SIPA1L3: variants seen among roughly 807,000 people sequenced by gnomAD.
The protein encoded by SIPA1L3 is signal induced proliferation associated 1 like 3, also known as signal-induced proliferation-associated 1-like protein 3.
A neutral mutation model predicts 150.1 loss-of-function variants in SIPA1L3; 59 were observed. The observed-to-expected ratio is 0.39, with a 90% confidence interval of 0.32 to 0.49. The LOEUF (loss-of-function observed/expected upper bound fraction) is 0.49, where lower values mean the gene tolerates loss of function less well. Among genes scored for constraint, SIPA1L3 ranks in the 20% least tolerant of loss-of-function variants. The probability of loss-of-function intolerance (pLI) is 0.86; values close to 1 mark genes in which losing one functional copy is unlikely to be tolerated. For missense variants in SIPA1L3, 2,211 were observed against 2,489.5 expected (o/e 0.89, Z 2.38); for synonymous variants, 1,070 against 1,077.6 (o/e 0.99, Z 0.14).
At chr19:38,055,316 CCTT>C (rs1212505766) in intron 2 of SIPA1L3, among the ~76,000 whole-genome samples, 2 of 152,182 alleles carry the variant, frequency 1.3e-5, no homozygotes, top group East Asian at 3.9e-4. Context: ...GGAGCAGGCT[CCTT>C]CTGACTCCTC....
At chr19:38,011,547 G>T (rs1051657817) in intron 1 of SIPA1L3, among the ~76,000 whole-genome samples, 1 of 152,312 alleles carries the variant, frequency 6.6e-6, no homozygotes, top group Middle Eastern at 3.4e-3. Flanking sequence ...GGGGCCCCCT[G>T]ATCTGGGTGG....
chr19:38,203,453 A>G (rs1973134411), intron 20 of SIPA1L3, among the ~76,000 whole-genome samples: 1 of 151,676 alleles, frequency 6.6e-6, no homozygotes, highest in African/African-American at 2.4e-5. Flanking sequence ...CCAAGCAGGA[A>G]AGGGCTGCGC....
At position 38,143,839 on chromosome 19, in the gene SIPA1L3, A is replaced by G. The variant is rs531169075; in HGVS notation, c.3533+1129A>G. Among the ~76,000 whole-genome samples the G allele has an allele frequency of 1.2e-4, 19 of 152,032 alleles. No individual in the cohort carries two copies. In the South Asian group the frequency reaches 3.7e-3, roughly 30 times the overall value. On this transcript the variant is annotated intron_variant, in intron 12 of 21. Transcript: ENST00000222345. Reference sequence around the variant, plus strand: ...CAAGTGTGAGCCCGTGCACCTGGCCAGATCTTTCTATACCTGAACATGCCT... The same window carrying G: ...CAAGTGTGAGCCCGTGCACCTGGCCGGATCTTTCTATACCTGAACATGCCT...
intron 18 of SIPA1L3, among the ~76,000 whole-genome samples, chr19:38,194,725 T>C (rs1972882645): frequency 6.6e-6 from 1 of 152,096 alleles, no homozygotes; most frequent in Non-Finnish European, 1.5e-5. Context: ...ACTCTGGGAA[T>C]TTTATGAAGG....
chr19:38,202,065 C>T, intron 20 of SIPA1L3, 68 bp downstream of exon 20: 1 of 1,478,992 alleles, frequency 6.8e-7, no homozygotes, highest in Non-Finnish European at 9.1e-7. Context: ...GAGGCTTACC[C>T]AGAGAGAGGC....
chr19:38,164,676 C>G lies in SIPA1L3; in HGVS notation c.3978C>G (p.Ala1326=). The change falls in exon 15 of 22, where the codon GCC becomes GCG. Residue 1326 remains alanine, a synonymous_variant. Coordinates refer to ENST00000222345, the MANE Select transcript of SIPA1L3 (RefSeq NM_015073.3). This position sits in a 1 kb window ranked among gnomAD's most constrained non-coding sequence, Gnocchi z 4.1. ...CCAGCCCTAGCTGCATGTCCCTGGC[C>G]AAGGCTCCACGGCCCGCCAAGCCAC... is the stretch of plus-strand genomic sequence containing the variant. ...YTSSPSCMSL[A]KAPRPAKPHK... 6.2e-7 allele frequency: 1 copy of G among 1,614,096 alleles called. No homozygotes were observed.
chr19:37,987,139 G>T (rs1967374892), intron 1 of SIPA1L3, among the ~76,000 whole-genome samples: 1 of 152,002 alleles, frequency 6.6e-6, no homozygotes, highest in African/African-American at 2.4e-5. Flanking sequence ...TGTTGGCCAG[G>T]CTGGTCTCAA....
chr19:37,914,573 C>T (rs1272944896), intron 1 of SIPA1L3, among the ~76,000 whole-genome samples: 2 of 151,960 alleles, frequency 1.3e-5, no homozygotes, highest in East Asian at 1.9e-4. Context: ...AGACAGGTTA[C>T]ACCATGTTGG....
In SIPA1L3 at chr19:38,101,105, C is replaced by G. The variant is rs781258315; in HGVS notation, c.1908C>G (p.Ser636=). 1.2e-6 allele frequency: 2 copies of G among 1,606,640 alleles called. No individual in the cohort carries two copies. Among genetic ancestry groups the G allele is most frequent in the South Asian group, 2.2e-5 (2 of 90,272 alleles). The change falls in exon 6 of 22, where the codon TCC becomes TCG. Residue 636 remains serine (S), a synonymous_variant. Coordinates refer to ENST00000222345, the MANE Select transcript of SIPA1L3 (RefSeq NM_015073.3). The stretch of plus-strand genomic sequence containing the variant: ...TCTATTGCAAGGCCGGCCAGAGCTC[C>G]GAGGAGGAGATGTACAACAATGAGG... The part of the protein sequence containing the change: ...GILYCKAGQS[S]EEEMYNNEEA...
At chr19:38,002,292 C>T (rs574162198) in intron 1 of SIPA1L3, among the ~76,000 whole-genome samples, 12 of 152,230 alleles carry the variant, frequency 7.9e-5, no homozygotes, top group South Asian at 2.1e-4. Context: ...TGGAATCATC[C>T]GGTATTTGTC....
intron 10 of SIPA1L3, among the ~76,000 whole-genome samples, chr19:38,132,468 C>T (rs1394849323): frequency 6.6e-6 from 1 of 150,394 alleles, no homozygotes. Context: ...CCTGTAATCC[C>T]AGCTACTCGG....
At chr19:37,994,619 T>C (rs1392349256) in intron 1 of SIPA1L3, among the ~76,000 whole-genome samples, 1 of 152,158 alleles carries the variant, frequency 6.6e-6, no homozygotes, top group Non-Finnish European at 1.5e-5. Context: ...ATATACCAAG[T>C]GTTTATCGCT....
In SIPA1L3 at chr19:38,082,246, C is replaced by T. The variant is rs765214825; in HGVS notation, c.681C>T (p.Ser227=). The T allele has an allele frequency of 3.1e-6, 5 of 1,601,100 alleles. No individual in the cohort carries two copies. Among genetic ancestry groups the T allele is most frequent in the Non-Finnish European group, 4.2e-6 (5 of 1,179,730 alleles). Residue 227 remains serine, a synonymous_variant, in exon 3 of 22, where the codon AGC becomes AGT. Coordinates refer to ENST00000222345, the MANE Select transcript of SIPA1L3 (RefSeq NM_015073.3). Reference sequence around the variant, plus strand: ...TCGACATCCTGAACGAGTTCCGCAGCGAGCAGCCCGACGCCCGAGGGTGCC... The same window carrying T: ...TCGACATCCTGAACGAGTTCCGCAGTGAGCAGCCCGACGCCCGAGGGTGCC... The part of the protein sequence containing the change: ...SFFDILNEFR[S]EQPDARGCQA...
intron 15 of SIPA1L3, among the ~76,000 whole-genome samples, chr19:38,166,230 T>G (rs1004499099): frequency 1.3e-5 from 2 of 150,814 alleles, no homozygotes; most frequent in African/African-American, 4.9e-5. Context: ...CCAAGGCGGG[T>G]GGATCATGAG....
chr19:38,008,121 C>T (rs1420202589), intron 1 of SIPA1L3, among the ~76,000 whole-genome samples: 1 of 151,240 alleles, frequency 6.6e-6, no homozygotes, highest in East Asian at 2.0e-4. Context: ...CCCCAGAGGC[C>T]TTGCCCTCTT....
chr19:38,184,458 G>A (rs332840), intron 16 of SIPA1L3: 55,069 of 152,492 alleles, frequency 0.36, 11,716 homozygotes, highest in Middle Eastern at 0.57. Context: ...GATTACAGGC[G>A]TGAGCCACTG....
intron 16 of SIPA1L3, among the ~76,000 whole-genome samples, chr19:38,183,212 G>A (rs1600182694): frequency 6.6e-6 from 1 of 152,272 alleles, no homozygotes; most frequent in East Asian, 1.9e-4. Context: ...GACTGAGATG[G>A]AGCCACGGGA....
At chr19:37,959,817 CTTTT>C (rs34291572) in intron 1 of SIPA1L3, among the ~76,000 whole-genome samples, 2 of 128,780 alleles carry the variant, frequency 1.6e-5, no homozygotes, top group African/African-American at 2.8e-5. Flanking sequence ...AAAAAACTTT[CTTTT>C]TTTTTTTTTT....
At chr19:38,138,267 C>T (rs1484375562) in intron 10 of SIPA1L3, among the ~76,000 whole-genome samples, 1 of 152,166 alleles carries the variant, frequency 6.6e-6, no homozygotes, top group Non-Finnish European at 1.5e-5. Context: ...AGTCAACGTG[C>T]TAAATATTTA....
Sources: gnomAD v4.1 joint callset for allele counts (sites outside exome capture counted in the v4.1 genomes callset) on GRCh38, gnomAD v4.1.1 for gene constraint, Gnocchi (gnomAD v3.1) non-coding constraint, MANE v1.5 for transcripts, NCBI Gene and HGNC (gene_info 2026-07-23, HGNC 2026-07-21) for gene names.